The following WDR72 variants were observed in gnomAD, a reference collection of about 807,000 sequenced individuals.
WDR72 encodes the protein WD repeat-containing protein 72.
In WDR72, 120 loss-of-function variants were observed where a neutral mutation model predicts 124.2. The observed-to-expected ratio is 0.97, with a 90% confidence interval of 0.83 to 1.12. The LOEUF (loss-of-function observed/expected upper bound fraction) is 1.12, where lower values mean the gene tolerates loss of function less well. Ranked by LOEUF, WDR72 falls within the 50% of genes most tolerant of loss-of-function variation. The pLI is 0.00. For synonymous variants in WDR72, 452 were observed against 441.7 expected, an observed-to-expected ratio of 1.02 and a Z score of -0.29; for missense variants, 1,387 against 1,278.8, an observed-to-expected ratio of 1.08 and a Z score of -1.29.
intron 19 of WDR72, among the ~76,000 whole-genome samples, chr15:53,520,870 T>C (rs1278745833): frequency 6.6e-6 from 1 of 152,090 alleles, no homozygotes; most frequent in African/African-American, 2.4e-5. Context: ...ATTTTAAGAA[T>C]TTTGCCCATC....
At chr15:53,548,082 T>C (rs1441818999) in intron 18 of WDR72, among the ~76,000 whole-genome samples, 4 of 152,234 alleles carry the variant, frequency 2.6e-5, no homozygotes, top group Non-Finnish European at 5.9e-5. Flanking sequence ...TGAGGCCACC[T>C]TATCTGGTGA....
chr15:53,762,287 T>C (rs530223414), upstream of WDR72, among the ~76,000 whole-genome samples: 11 of 152,326 alleles, frequency 7.2e-5, no homozygotes, highest in East Asian at 1.9e-3. Context: ...TCTGCATCCT[T>C]TGGGACTGGT....
At chr15:53,605,102 T>C (rs2013219012) in intron 17 of WDR72, among the ~76,000 whole-genome samples, 1 of 152,188 alleles carries the variant, frequency 6.6e-6, no homozygotes, top group Non-Finnish European at 1.5e-5. Flanking sequence ...TGTCAATCAA[T>C]GGTAGACTGG....
At chr15:53,529,331 A>G (rs1376545863) in intron 18 of WDR72, among the ~76,000 whole-genome samples, 2 of 151,888 alleles carry the variant, frequency 1.3e-5, no homozygotes, top group African/African-American at 4.8e-5. Context: ...AACCTTGGGC[A>G]TGCCGTTTCA....
At chr15:53,724,858 T>C (rs2017976954) in intron 2 of WDR72, among the ~76,000 whole-genome samples, 1 of 152,200 alleles carries the variant, frequency 6.6e-6, no homozygotes, top group African/African-American at 2.4e-5. Context: ...ACGACTAAAA[T>C]TCCATTAGTC....
Position 53,616,053 on chromosome 15 carries a change from C to T in WDR72, c.2153G>A (p.Ser718Asn), listed in dbSNP as rs778336069. The T allele has an allele frequency of 1.2e-6, 2 of 1,612,082 alleles. No homozygotes were observed. Among genetic ancestry groups the T allele is most frequent in the Admixed American group, 1.7e-5 (1 of 59,730 alleles). The change falls in exon 15 of 20, where the codon AGC becomes AAC. Residue 718 changes from serine (S) to asparagine (N), a missense_variant. Physicochemically the swap from Ser to Asn is conservative, Grantham distance 46. Transcript: ENST00000360509. Reference sequence around the variant, plus strand: ...TGTCAGTGTCTTCTTCTCCACTGTGCTCTTGGCTCTTCTCAGGACCTCACC... The same window carrying T: ...TGTCAGTGTCTTCTTCTCCACTGTGTTCTTGGCTCTTCTCAGGACCTCACC... Reference protein sequence around the residue: ...YGGEVLRRAKSTVEKKTLTLR... With the variant: ...YGGEVLRRAKNTVEKKTLTLR...
At chr15:53,653,188 T>G (rs1485502917) in intron 14 of WDR72, among the ~76,000 whole-genome samples, 1 of 152,250 alleles carries the variant, frequency 6.6e-6, no homozygotes, top group Non-Finnish European at 1.5e-5. Flanking sequence ...CTTCATGTTT[T>G]AGACTTCAGT....
chr15:53,527,950 T>TA (rs1220768434), intron 18 of WDR72, among the ~76,000 whole-genome samples: 1 of 152,038 alleles, frequency 6.6e-6, no homozygotes, highest in African/African-American at 2.4e-5. Flanking sequence ...AGAGTCACTA[T>TA]AAAATAAACT....
At chr15:53,654,573 G>A (rs1036316531) in intron 14 of WDR72, among the ~76,000 whole-genome samples, 3 of 152,140 alleles carry the variant, frequency 2.0e-5, no homozygotes, top group African/African-American at 7.2e-5. Context: ...GGGCCTTTGC[G>A]GTAGGTGCAC....
At chr15:53,723,017 G>T in intron 2 of WDR72, 109 bp from the exon 3 acceptor site, 1 of 1,069,170 alleles carries the variant, frequency 9.4e-7, no homozygotes, top group Non-Finnish European at 1.4e-6. Context: ...TGTTTTTGTT[G>T]TATACAAGTT....
chr15:53,715,112 G>C, intron 5 of WDR72, 81 bp downstream of exon 5: 1 of 1,463,280 alleles, frequency 6.8e-7, no homozygotes, highest in Non-Finnish European at 9.4e-7. Context: ...CTGAATTTCT[G>C]CCCAATAATT....
intron 13 of WDR72, among the ~76,000 whole-genome samples, chr15:53,666,679 A>T (rs1257081133): frequency 6.6e-6 from 1 of 152,222 alleles, no homozygotes; most frequent in African/African-American, 2.4e-5. Flanking sequence ...CACCAATGAG[A>T]AAGAAGTAGA....
chr15:53,609,405 T>C, intron 17 of WDR72, 108 bp downstream of exon 17: 1 of 967,666 alleles, frequency 1.0e-6, no homozygotes, highest in Non-Finnish European at 1.6e-6. Flanking sequence ...AAGGCCATTT[T>C]ATGAGGACAA....
chr15:53,742,047 G>A lies in WDR72; in HGVS notation c.-12-8886C>T, dbSNP rs560418971. 2.0e-4 allele frequency among the ~76,000 whole-genome samples: 31 copies of A among 152,240 alleles called. 1 individual carries two copies. The South Asian group carries it at 2.9e-3, about 14-fold the overall frequency. On this transcript the variant is annotated intron_variant, in intron 1 of 19. Transcript: ENST00000360509. ...CTGGCTTGATCTAGATAATTCTTACGATCACTTCTAATTCTGAGATTCTGA... is the reference window on the plus strand; with the variant it reads ...CTGGCTTGATCTAGATAATTCTTACAATCACTTCTAATTCTGAGATTCTGA...
intron 13 of WDR72, among the ~76,000 whole-genome samples, chr15:53,691,646 G>C (rs1343003933): frequency 7.8e-6 from 1 of 128,652 alleles, no homozygotes; most frequent in Admixed American, 7.5e-5. Flanking sequence ...TAGATAGATA[G>C]ATAGATAGAT....
intron 18 of WDR72, among the ~76,000 whole-genome samples, chr15:53,555,043 T>C (rs1893874103): frequency 6.6e-6 from 1 of 151,970 alleles, no homozygotes; most frequent in Admixed American, 6.6e-5. Flanking sequence ...CCACTGAGTA[T>C]AGAGGGGCTA....
chr15:53,723,695 A>G (rs904517787), intron 2 of WDR72, among the ~76,000 whole-genome samples: 1 of 152,224 alleles, frequency 6.6e-6, no homozygotes, highest in African/African-American at 2.4e-5. Flanking sequence ...AGTCTGCAAT[A>G]TAAAAGTATT....
intron 1 of WDR72, among the ~76,000 whole-genome samples, chr15:53,737,560 A>G (rs1203305637): frequency 1.3e-5 from 2 of 152,300 alleles, no homozygotes; most frequent in African/African-American, 4.8e-5. Flanking sequence ...CTGTTGGGGG[A>G]GGTGGTGGTC....
At position 53,732,004 on chromosome 15, in the gene WDR72, G is replaced by T. The variant is rs56206923; in HGVS notation, c.153+993C>A. 4.9e-3 allele frequency among the ~76,000 whole-genome samples: 746 copies of T among 152,216 alleles called. 7 individuals carry two copies. Among genetic ancestry groups the T allele is most frequent in the African/African-American group, 0.017 (710 of 41,520 alleles). ...CATTAAAAATAAGTAAGATATTTTAGTCACTTAGAAGTTTGTGTTTAAACT... is the reference window on the plus strand; with the variant it reads ...CATTAAAAATAAGTAAGATATTTTATTCACTTAGAAGTTTGTGTTTAAACT... On this transcript the variant is annotated intron_variant, in intron 2 of 19. Coordinates refer to ENST00000360509, the MANE Select transcript of WDR72 (RefSeq NM_182758.4).
Sources: allele counts gnomAD v4.1 joint callset (sites outside exome capture counted in the v4.1 genomes callset), GRCh38; gene constraint gnomAD v4.1.1; transcripts MANE v1.5; gene names NCBI Gene and HGNC (gene_info 2026-07-23, HGNC 2026-07-21).